CLMN: variants seen among roughly 807,000 people sequenced by gnomAD.
The protein encoded by CLMN is calmin.
Under a neutral mutation model 92.7 loss-of-function variants are expected in CLMN, and 57 were observed. The observed-to-expected ratio is 0.61, with a 90% confidence interval of 0.50 to 0.77. CLMN has a LOEUF of 0.77. Ranked by LOEUF, CLMN falls within the 30% of genes least tolerant of loss-of-function variation. CLMN has a pLI of 0.00. For synonymous variants in CLMN, 466 were observed against 470.6 expected, an observed-to-expected ratio of 0.99 and a Z score of 0.13; for missense variants, 1,158 against 1,237.5, an observed-to-expected ratio of 0.94 and a Z score of 0.96.
chr14:95,235,187 T>TGA (rs1224810187), intron 1 of CLMN, among the ~76,000 whole-genome samples: 1 of 152,140 alleles, frequency 6.6e-6, no homozygotes, highest in Admixed American at 6.5e-5. Context: ...GATCAGTAAA[T>TGA]GGCTCAGAGT....
chr14:95,222,663 C>T (rs1897584474), intron 3 of CLMN: 2 of 451,006 alleles, frequency 4.4e-6, no homozygotes, highest in South Asian at 3.1e-5. Context: ...GGTACTTTTT[C>T]AGGAAGTCTT....
rs1896421591 is a variant in CLMN at position 95,185,542 on chromosome 14, C to A, written c.*6022G>T. The A allele has an allele frequency of 6.6e-6, 1 of 152,258 alleles. No individual in the cohort carries two copies. The highest frequency in any genetic ancestry group is 1.5e-5 in the Non-Finnish European group (1 of 68,152). 9.4% of individuals were successfully genotyped at this position (152,258 alleles called of 1,614,324 possible). On this transcript the variant is annotated 3_prime_UTR_variant, in exon 13 of 13. Coordinates refer to ENST00000298912, the MANE Select transcript of CLMN (RefSeq NM_024734.4). ...GCTGGCCCAAGACGTTAAATCTTCC[C>A]CAAATGCTGTGTCAGCAGTGATTAT...
rs201122676 is a variant in CLMN at position 95,215,633 on chromosome 14, G to C, written c.417+8C>G. On this transcript the variant is annotated splice_region_variant and intron_variant, in intron 5 of 12. Coordinates refer to ENST00000298912, the MANE Select transcript of CLMN (RefSeq NM_024734.4). ...TGATTGTGTGTTTTGGAAAAGAAAT[G>C]ATCTTACCTGGAAGAAGAGGATTAT... 15 of 1,610,622 alleles carry C rather than the reference G, an allele frequency of 9.3e-6. No homozygotes were observed. Among genetic ancestry groups the C allele is most frequent in the Non-Finnish European group, 1.3e-5 (15 of 1,176,932 alleles).
Position 95,259,416 on chromosome 14 carries a change from C to T in CLMN, c.83-29283G>A, listed in dbSNP as rs1264809294. On this transcript the variant is annotated intron_variant, in intron 1 of 12. Coordinates refer to ENST00000298912, the MANE Select transcript of CLMN (RefSeq NM_024734.4). The surrounding 1 kb of genome is among the most constrained non-coding windows in gnomAD (Gnocchi z 4.3). ...GAGAAGGAAATGTGCGTGGACAAACCTCCGGGTTACCAGAATGTGCACTTT... is the reference window on the plus strand; with the variant it reads ...GAGAAGGAAATGTGCGTGGACAAACTTCCGGGTTACCAGAATGTGCACTTT... Among the ~76,000 whole-genome samples the T allele has an allele frequency of 6.6e-6, 1 of 152,124 alleles. No homozygotes were observed. The highest frequency in any genetic ancestry group is 1.5e-5 in the Non-Finnish European group (1 of 68,010).
chr14:95,227,314 A>G (rs1030164345), intron 2 of CLMN, among the ~76,000 whole-genome samples: 5 of 152,182 alleles, frequency 3.3e-5, no homozygotes, highest in South Asian at 2.1e-4. Context: ...CCGCAGGTGC[A>G]CAGAAAAGGG....
intron 8 of CLMN, among the ~76,000 whole-genome samples, chr14:95,205,208 G>T (rs1029516155): frequency 6.6e-6 from 1 of 152,112 alleles, no homozygotes; most frequent in Admixed American, 6.6e-5. Context: ...ACACTTGTTT[G>T]GGAAAGGGCT....
intron 1 of CLMN, among the ~76,000 whole-genome samples, chr14:95,254,591 T>C (rs1431280887): frequency 1.1e-4 from 17 of 152,172 alleles, no homozygotes; most frequent in Admixed American, 9.8e-4. Context: ...TATCAAATCC[T>C]GTGACGTGTT....
chr14:95,281,652 C>A (rs1190352844), intron 1 of CLMN, among the ~76,000 whole-genome samples: 1 of 152,196 alleles, frequency 6.6e-6, no homozygotes, highest in Non-Finnish European at 1.5e-5. Context: ...AGGCTAACAA[C>A]TCCATATCAG....
chr14:95,189,151 T>C lies in CLMN; in HGVS notation c.*2413A>G, dbSNP rs139972828. On this transcript the variant is annotated 3_prime_UTR_variant, in exon 13 of 13. Coordinates refer to ENST00000298912, the MANE Select transcript of CLMN (RefSeq NM_024734.4). ...TGTACTAAATGATGTGATCTAGCTA[T>C]ACTGGAAAACCAAAGCACGGTATGG... is the stretch of plus-strand genomic sequence containing the variant. The C allele has an allele frequency of 1.1e-3, 170 of 152,278 alleles. No homozygotes were observed. The highest frequency in any genetic ancestry group is 4.0e-3 in the African/African-American group (166 of 41,554). 9.4% of individuals were successfully genotyped at this position (152,278 alleles called of 1,614,324 possible). A position where few individuals can be genotyped will look rare whatever the true frequency, so the allele number is the denominator to read the frequency against.
At chr14:95,233,509 C>A (rs1897955854) in intron 1 of CLMN, among the ~76,000 whole-genome samples, 1 of 152,102 alleles carries the variant, frequency 6.6e-6, no homozygotes, top group Admixed American at 6.6e-5. Flanking sequence ...CAGTAATTAC[C>A]ATATTCTGGA....
At chr14:95,280,684 T>C (rs1317573984) in intron 1 of CLMN, among the ~76,000 whole-genome samples, 1 of 152,230 alleles carries the variant, frequency 6.6e-6, no homozygotes, top group African/African-American at 2.4e-5. Context: ...ATTTGGCTTA[T>C]TTGGTATATT....
intron 1 of CLMN, among the ~76,000 whole-genome samples, chr14:95,317,809 C>T (rs760558113): frequency 6.6e-6 from 1 of 152,150 alleles, no homozygotes; most frequent in Non-Finnish European, 1.5e-5. Context: ...TGTACTCATA[C>T]ATAAAGTTTT....
intron 1 of CLMN, among the ~76,000 whole-genome samples, chr14:95,278,156 T>C (rs1048377403): frequency 1.3e-5 from 2 of 152,230 alleles, no homozygotes; most frequent in South Asian, 2.1e-4. Flanking sequence ...CATACACCCA[T>C]AGTTAAGTCA....
intron 4 of CLMN, among the ~76,000 whole-genome samples, chr14:95,217,692 G>C (rs192680422): frequency 8.2e-4 from 125 of 152,370 alleles, no homozygotes; most frequent in Admixed American, 2.2e-3. Context: ...GGGAATCAAA[G>C]CCGCTAGTCA....
chr14:95,212,589 T>C (rs528488181), intron 6 of CLMN, among the ~76,000 whole-genome samples: 1 of 152,296 alleles, frequency 6.6e-6, no homozygotes, highest in South Asian at 2.1e-4. Context: ...GTACAGACTC[T>C]GGAAGATACC....
chr14:95,268,179 A>G (rs988350439), intron 1 of CLMN, among the ~76,000 whole-genome samples: 3 of 152,228 alleles, frequency 2.0e-5, no homozygotes, highest in Non-Finnish European at 4.4e-5. Flanking sequence ...TTTGAAGCAC[A>G]AAGAGAAGAT....
rs532808230 is a variant in CLMN, at chr14:95,269,288, T to C, written c.83-39155A>G. ...ATGAGCATTACAATAAAAAATCTTA[T>C]GATTTCTACTGTGTTATATATGAAT... On this transcript the variant is annotated intron_variant, in intron 1 of 12. Transcript: ENST00000298912. Among the ~76,000 whole-genome samples the C allele has an allele frequency of 1.4e-4, 21 of 152,372 alleles. No individual in the cohort carries two copies. The South Asian group carries it at 1.7e-3, about 12-fold the overall frequency.
At chr14:95,257,023 A>G (rs1459463882) in intron 1 of CLMN, among the ~76,000 whole-genome samples, 1 of 152,242 alleles carries the variant, frequency 6.6e-6, no homozygotes, top group African/African-American at 2.4e-5. Context: ...AGGGGGACAC[A>G]GAGGAGGGAG....
intron 1 of CLMN, among the ~76,000 whole-genome samples, chr14:95,255,190 C>T (rs564884472): frequency 5.9e-5 from 9 of 152,234 alleles, no homozygotes; most frequent in East Asian, 5.8e-4. Context: ...CCTGCCGGCA[C>T]CTTGATCCTG....
Sources: allele counts gnomAD v4.1 joint callset (sites outside exome capture counted in the v4.1 genomes callset), GRCh38; gene constraint gnomAD v4.1.1; non-coding constraint Gnocchi (gnomAD v3.1); transcripts MANE v1.5; gene names NCBI Gene and HGNC (gene_info 2026-07-23, HGNC 2026-07-21).